EPHA6: variants seen among roughly 807,000 people sequenced by gnomAD.
The protein encoded by EPHA6 is EPH receptor A6.
EPHA6 carries 50 observed loss-of-function variants against 112.0 expected under a neutral mutation model. The ratio of observed to expected loss-of-function variants is 0.45; its 90% CI spans 0.36 to 0.56. The LOEUF (loss-of-function observed/expected upper bound fraction) is 0.56, where lower values mean the gene tolerates loss of function less well. EPHA6 is among the 20% of genes least tolerant of loss of function. The pLI, the probability that EPHA6 is intolerant of heterozygous loss-of-function variation, is 0.00. For missense variants in EPHA6, 1,280 were observed against 1,417.4 expected (o/e 0.90, Z 1.56); for synonymous variants, 529 against 490.7 (o/e 1.08, Z -1.03).
At chr3:97,072,616 AAACT>A (rs1432844187) in intron 3 of EPHA6, among the ~76,000 whole-genome samples, 2 of 152,106 alleles carry the variant, frequency 1.3e-5, no homozygotes, top group African/African-American at 2.4e-5. Flanking sequence ...TACAGGGCAA[AAACT>A]AACTGAGAAT....
intron 5 of EPHA6, among the ~76,000 whole-genome samples, chr3:97,267,789 T>G (rs563461156): frequency 6.6e-6 from 1 of 152,228 alleles, no homozygotes; most frequent in African/African-American, 2.4e-5. Flanking sequence ...CTTTACTCTT[T>G]TAACTAGAAC....
intron 2 of EPHA6, among the ~76,000 whole-genome samples, chr3:96,914,029 C>T (rs62263682): frequency 0.031 from 4,749 of 152,152 alleles, 106 homozygotes; most frequent in Middle Eastern, 0.065. Flanking sequence ...ATGCGCCTAA[C>T]GATATGAATT....
At chr3:97,310,936 A>G (rs1469846863) in intron 5 of EPHA6, among the ~76,000 whole-genome samples, 2 of 151,646 alleles carry the variant, frequency 1.3e-5, no homozygotes, top group Admixed American at 6.6e-5. Flanking sequence ...TCTTTCTTGT[A>G]AAGTATCCAC....
At chr3:97,580,781 T>C (rs934772089) in intron 11 of EPHA6, among the ~76,000 whole-genome samples, 1 of 152,202 alleles carries the variant, frequency 6.6e-6, no homozygotes, top group Non-Finnish European at 1.5e-5. Context: ...TAGGTGAATA[T>C]ACGCCTCAGT....
chr3:97,151,026 A>C (rs1559759246), intron 3 of EPHA6, among the ~76,000 whole-genome samples: 1 of 152,142 alleles, frequency 6.6e-6, no homozygotes, highest in Non-Finnish European at 1.5e-5. Flanking sequence ...ATGGAATACT[A>C]CATAGAAGTC....
intron 5 of EPHA6, among the ~76,000 whole-genome samples, chr3:97,403,693 G>A (rs1205299364): frequency 3.3e-5 from 5 of 152,268 alleles, no homozygotes; most frequent in East Asian, 1.9e-4. Context: ...TGATCTGCCC[G>A]CCTCGGCCTC....
intron 5 of EPHA6, among the ~76,000 whole-genome samples, chr3:97,325,913 A>C (rs978570090): frequency 6.6e-6 from 1 of 152,080 alleles, no homozygotes; most frequent in Admixed American, 6.6e-5. Flanking sequence ...TACTCTGCTT[A>C]TTAAAAAGGT....
At chr3:96,983,192 G>C (rs934215002) in intron 2 of EPHA6, among the ~76,000 whole-genome samples, 1 of 152,082 alleles carries the variant, frequency 6.6e-6, no homozygotes, top group Non-Finnish European at 1.5e-5. Context: ...GGCTGGTACC[G>C]GTTGTTCCTT....
intron 14 of EPHA6, among the ~76,000 whole-genome samples, chr3:97,652,744 A>T (rs1161613405): frequency 6.6e-6 from 1 of 151,984 alleles, no homozygotes; most frequent in Non-Finnish European, 1.5e-5. Context: ...AAGTAGGAAG[A>T]TCTAAAGAGC....
At chr3:97,533,316 T>C (rs1337499400) in intron 11 of EPHA6, among the ~76,000 whole-genome samples, 1 of 152,100 alleles carries the variant, frequency 6.6e-6, no homozygotes, top group Admixed American at 6.6e-5. Flanking sequence ...ATAACATTTA[T>C]TTTAAAATCT....
chr3:97,429,118 A>G (rs1312433205), intron 6 of EPHA6, among the ~76,000 whole-genome samples: 2 of 152,152 alleles, frequency 1.3e-5, no homozygotes, highest in East Asian at 1.9e-4. Context: ...ATAACAACAC[A>G]TAATTCTTGG....
At chr3:97,718,122 T>C (rs1180234881) in intron 14 of EPHA6, among the ~76,000 whole-genome samples, 1 of 152,252 alleles carries the variant, frequency 6.6e-6, no homozygotes, top group Non-Finnish European at 1.5e-5. Flanking sequence ...AAATTTGGAC[T>C]TTGTTCTCTG....
intron 6 of EPHA6, among the ~76,000 whole-genome samples, chr3:97,414,743 A>G (rs1371369863): frequency 6.6e-6 from 1 of 152,066 alleles, no homozygotes; most frequent in Non-Finnish European, 1.5e-5. Flanking sequence ...CCCTTGCAAC[A>G]GCCATTATTA....
At chr3:96,881,092 C>T (rs2037287122) in intron 2 of EPHA6, among the ~76,000 whole-genome samples, 2 of 152,228 alleles carry the variant, frequency 1.3e-5, no homozygotes, top group South Asian at 4.1e-4. Flanking sequence ...CATGGAACCA[C>T]CAAACTGTTT....
chr3:97,617,012 A>G (rs953792488), intron 13 of EPHA6, among the ~76,000 whole-genome samples: 11 of 152,264 alleles, frequency 7.2e-5, no homozygotes, highest in African/African-American at 2.6e-4. Context: ...ACAGGAAAAA[A>G]TGTTAATGGC....
At chr3:97,250,307 C>G (rs1264709156) in intron 5 of EPHA6, among the ~76,000 whole-genome samples, 1 of 152,164 alleles carries the variant, frequency 6.6e-6, no homozygotes, top group African/African-American at 2.4e-5. Flanking sequence ...CAATTTTTCT[C>G]CGTGATCATA....
At chr3:96,952,861 G>T (rs1293021725) in intron 2 of EPHA6, among the ~76,000 whole-genome samples, 1 of 152,088 alleles carries the variant, frequency 6.6e-6, no homozygotes, top group African/African-American at 2.4e-5. Flanking sequence ...CACAGTGTCT[G>T]TCTGTGGAGG....
At chr3:97,414,841 G>A (rs2088001168) in intron 6 of EPHA6, among the ~76,000 whole-genome samples, 1 of 152,014 alleles carries the variant, frequency 6.6e-6, no homozygotes, top group Admixed American at 6.6e-5. Flanking sequence ...GGACTTTTCA[G>A]AGAGATTCTA....
At chr3:96,829,372 T>TG (rs1348015792) in intron 1 of EPHA6, among the ~76,000 whole-genome samples, 1 of 152,088 alleles carries the variant, frequency 6.6e-6, no homozygotes, top group Non-Finnish European at 1.5e-5. Context: ...ATAATTACTG[T>TG]GGGGTCACAT....
Sources: gnomAD v4.1 joint callset for allele counts (sites outside exome capture counted in the v4.1 genomes callset) on GRCh38, gnomAD v4.1.1 for gene constraint, MANE v1.5 for transcripts, NCBI Gene and HGNC (gene_info 2026-07-23, HGNC 2026-07-21) for gene names.